Variants in PZP observed in about 807,000 individuals in gnomAD.
PZP encodes PZP alpha-2-macroglobulin like, also known as pregnancy zone protein.
Under a neutral mutation model 179.8 loss-of-function variants are expected in PZP, and 150 were observed. The observed-to-expected ratio is 0.83, with a 90% CI of 0.73 to 0.96. PZP has a LOEUF of 0.96. Ranked by LOEUF, PZP falls within the 40% of genes least tolerant of loss-of-function variation. PZP has a pLI of 0.00. For synonymous variants in PZP, 624 were observed against 652.3 expected (o/e 0.96, Z 0.66); for missense variants, 1,689 against 1,764.0 (o/e 0.96, Z 0.76).
chr12:9,165,479 T>G, intron 18 of PZP, 112 bp from the exon 19 acceptor site: 27 of 1,203,520 alleles, frequency 2.2e-5, no homozygotes, highest in Non-Finnish European at 2.9e-5. Context: ...CTTAAGGGTA[T>G]ATGCGAGTGT....
At chr12:9,177,977 G>T (rs1942501721) in intron 15 of PZP, among the ~76,000 whole-genome samples, 1 of 152,092 alleles carries the variant, frequency 6.6e-6, no homozygotes, top group African/African-American at 2.4e-5. Flanking sequence ...TCTTGTTTTG[G>T]GTTAACTTCT....
chr12:9,146,589 T>A (rs955503451), downstream of PZP, among the ~76,000 whole-genome samples: 1 of 152,226 alleles, frequency 6.6e-6, no homozygotes, highest in Non-Finnish European at 1.5e-5. Flanking sequence ...TGTTGTTGCC[T>A]CTGCATTAGA....
rs763126333 is a variant in PZP, at chr12:9,149,581, T to C, written c.4406A>G (p.Tyr1469Cys). 6.2e-7 allele frequency: 1 copy of C among 1,613,100 alleles called. No individual in the cohort carries two copies. Among genetic ancestry groups the C allele is most frequent in the African/African-American group, 1.3e-5 (1 of 74,860 alleles). The change falls in exon 35 of 36, where the codon TAT (tyrosine) becomes TGT (cysteine). Residue 1469 changes from tyrosine (Y) to cysteine (C), a missense_variant. Tyr to Cys is a radical substitution (Grantham distance 194). Coordinates refer to ENST00000261336, the MANE Select transcript of PZP (RefSeq NM_002864.3). ...CTTACCTGTGCTGCAGGGGGCGATA[T>C]ACTCAGCAACCACAGACTCATCTGA... Reference protein sequence around the residue: ...YETDESVVAEYIAPCSTDTEH... With the variant: ...YETDESVVAECIAPCSTDTEH...
chr12:9,153,002 A>T, intron 30 of PZP, 51 bp from the exon 31 acceptor site: 1 of 1,612,728 alleles, frequency 6.2e-7, no homozygotes, highest in Non-Finnish European at 8.5e-7. Context: ...TGGACCCCTC[A>T]CTTCCTCATT....
intron 28 of PZP, chr12:9,156,316 C>T (rs1293414877): frequency 4.7e-6 from 1 of 210,882 alleles, no homozygotes; most frequent in African/African-American, 2.3e-5. Context: ...CAATGTCACC[C>T]TTTGTCCTAC....
At position 9,157,330 on chromosome 12, in the gene PZP, A is replaced by G. The variant is rs1940834446; in HGVS notation, c.3395T>C (p.Phe1132Ser). Residue 1132 changes from phenylalanine (F) to serine (S), a missense_variant, in exon 28 of 36, where the codon TTC (phenylalanine) becomes TCC (serine). This residue lies in a region of PZP where 746 missense variants were observed against 749.2 expected (regional missense o/e 1.00). Coordinates refer to ENST00000261336, the MANE Select transcript of PZP (RefSeq NM_002864.3). ...VTNPIVRNALFCLESAWNVAK... is the reference protein window; with the variant it reads ...VTNPIVRNALSCLESAWNVAK... ...TACATTCCAGGCTGACTCCAGGCAG[A>G]ACAGGGCATTGCGAACAATAGGGTT... 3 of 1,613,880 alleles carry G rather than the reference A, an allele frequency of 1.9e-6. No homozygotes were observed. Among genetic ancestry groups the G allele is most frequent in the Non-Finnish European group, 2.5e-6 (3 of 1,179,978 alleles).
At chr12:9,189,620 C>A (rs1447962531) in intron 13 of PZP, among the ~76,000 whole-genome samples, 2 of 152,172 alleles carry the variant, frequency 1.3e-5, no homozygotes, top group African/African-American at 4.8e-5. Flanking sequence ...ACAATCTCAA[C>A]AAATGCAAAC....
At chr12:9,201,271 C>T in intron 5 of PZP, 56 bp downstream of exon 5, 1 of 1,432,980 alleles carries the variant, frequency 7.0e-7, no homozygotes, top group Admixed American at 1.9e-5. Flanking sequence ...ATTATCAGAA[C>T]CTCCTACTCT....
chr12:9,177,679 T>C (rs763850572), intron 15 of PZP, among the ~76,000 whole-genome samples: 1 of 152,254 alleles, frequency 6.6e-6, no homozygotes, highest in Non-Finnish European at 1.5e-5. Context: ...ATTTCTATTA[T>C]TATTCAAAGC....
At chr12:9,207,821 C>T (rs1400508640) in intron 1 of PZP, among the ~76,000 whole-genome samples, 1 of 152,110 alleles carries the variant, frequency 6.6e-6, no homozygotes, top group African/African-American at 2.4e-5. Flanking sequence ...ATTATTTTCC[C>T]TGCTTTGGTC....
chr12:9,179,227 C>A (rs1942594723), intron 15 of PZP, among the ~76,000 whole-genome samples: 1 of 152,082 alleles, frequency 6.6e-6, no homozygotes, highest in African/African-American at 2.4e-5. Flanking sequence ...TCAAAAACCC[C>A]ATATTAGATA....
chr12:9,206,877 A>AC (rs763883070), intron 1 of PZP, among the ~76,000 whole-genome samples: 1 of 152,132 alleles, frequency 6.6e-6, no homozygotes, highest in Non-Finnish European at 1.5e-5. Context: ...AATGTTTCTG[A>AC]CCCAATACAC....
At chr12:9,194,385 G>T in intron 10 of PZP, 147 bp from the exon 11 acceptor site, 17 of 601,630 alleles carry the variant, frequency 2.8e-5, no homozygotes, top group South Asian at 1.1e-4. Flanking sequence ...ACGACAAAAT[G>T]TTTCCTTCCA....
At chr12:9,177,175 C>T (rs191821192) in intron 15 of PZP, among the ~76,000 whole-genome samples, 19 of 152,290 alleles carry the variant, frequency 1.2e-4, no homozygotes, top group Admixed American at 9.8e-4. Flanking sequence ...AATGAGGGGA[C>T]ATGTCTTTCA....
chr12:9,161,673 TA>T (rs1411657372), intron 22 of PZP, among the ~76,000 whole-genome samples: 6 of 152,202 alleles, frequency 3.9e-5, no homozygotes, highest in African/African-American at 1.2e-4. Flanking sequence ...CCCATGTTTA[TA>T]AATAGATAAC....
Position 9,161,133 on chromosome 12 carries a change from C to T in PZP, c.2789-17G>A. ...CATTAGCACCTTTAGAAACAGACAGCCCATGTTAAAGGAGGACATCTATGA... is the reference window on the plus strand; with the variant it reads ...CATTAGCACCTTTAGAAACAGACAGTCCATGTTAAAGGAGGACATCTATGA... On this transcript the variant is annotated splice_polypyrimidine_tract_variant and intron_variant, in intron 22 of 35. Transcript: ENST00000261336. 6.5e-7 allele frequency: 1 copy of T among 1,527,448 alleles called. No homozygotes were observed. The highest frequency in any genetic ancestry group is 9.0e-7 in the Non-Finnish European group (1 of 1,115,994). The allele number at this position is 1,527,448 out of a possible 1,614,324, so 94.6% of individuals were successfully genotyped here. A position where few individuals can be genotyped will look rare whatever the true frequency, so the allele number is the denominator to read the frequency against.
chr12:9,199,866 G>A (rs1485556201), intron 7 of PZP, among the ~76,000 whole-genome samples: 1 of 152,084 alleles, frequency 6.6e-6, no homozygotes, highest in Non-Finnish European at 1.5e-5. Flanking sequence ...AATTTCCGTT[G>A]TAGAGAGTTT....
At chr12:9,144,955 A>C (rs1939931774), downstream of PZP, among the ~76,000 whole-genome samples, 1 of 152,230 alleles carries the variant, frequency 6.6e-6, no homozygotes, top group South Asian at 2.1e-4. Flanking sequence ...TTAAAATGCC[A>C]GTGCTTGTCC....
chr12:9,199,429 A>G (rs968911214), intron 7 of PZP, among the ~76,000 whole-genome samples: 3 of 152,078 alleles, frequency 2.0e-5, no homozygotes, highest in Non-Finnish European at 4.4e-5. Flanking sequence ...TGGGGGAGAG[A>G]TTATTTCAGG....
Sources: gnomAD v4.1 joint callset for allele counts (sites outside exome capture counted in the v4.1 genomes callset) on GRCh38, gnomAD v4.1.1 for gene constraint, gnomAD v4.1.1 regional missense constraint, MANE v1.5 for transcripts, NCBI Gene and HGNC (gene_info 2026-07-23, HGNC 2026-07-21) for gene names.